Variants in ARAP2 observed in about 807,000 individuals in gnomAD.
The protein encoded by ARAP2 is ArfGAP with RhoGAP domain, ankyrin repeat and PH domain 2.
In ARAP2, 148 loss-of-function variants were observed where a neutral mutation model predicts 194.5. The ratio of observed to expected loss-of-function variants is 0.76; its 90% CI spans 0.67 to 0.87. The LOEUF (loss-of-function observed/expected upper bound fraction) is 0.87. ARAP2 is among the 40% of genes least tolerant of loss of function. The pLI, the probability that ARAP2 is intolerant of heterozygous loss-of-function variation, is 0.00. For missense variants in ARAP2, 2,128 were observed against 1,989.7 expected (o/e 1.07, Z -1.32); for synonymous variants, 695 against 683.5 (o/e 1.02, Z -0.26).
chr4:36,178,101 A>C, intron 8 of ARAP2, 96 bp from the exon 9 acceptor site: 1 of 1,073,398 alleles, frequency 9.3e-7, no homozygotes, highest in South Asian at 1.8e-5. Context: ...GCAACACATA[A>C]GTGACAGATT....
intron 4 of ARAP2, chr4:36,046,637 AGTT>A (rs1021391532): frequency 5.3e-5 from 8 of 152,276 alleles, no homozygotes; most frequent in African/African-American, 1.9e-4. Flanking sequence ...CATCCCCAAA[AGTT>A]GTATGTAAGA....
chr4:36,115,289 G>T (rs1721051564), intron 25 of ARAP2, among the ~76,000 whole-genome samples: 1 of 151,850 alleles, frequency 6.6e-6, no homozygotes, highest in Admixed American at 6.6e-5. Context: ...AAAGCCCAAA[G>T]AAATATAAAC....
intron 32 of ARAP2, among the ~76,000 whole-genome samples, chr4:36,070,656 T>C (rs1158017369): frequency 6.6e-6 from 1 of 152,182 alleles, no homozygotes; most frequent in Non-Finnish European, 1.5e-5. Flanking sequence ...AAGCCAATGG[T>C]TACAGAGGTC....
At chr4:36,058,643 C>G (rs1038704861) in intron 1 of ARAP2, among the ~76,000 whole-genome samples, 1 of 151,840 alleles carries the variant, frequency 6.6e-6, no homozygotes, top group South Asian at 2.1e-4. Context: ...AATCATTGTT[C>G]TTCTTCAAGC....
chr4:36,199,814 A>C lies in ARAP2; in HGVS notation c.1488-6167T>G, dbSNP rs532571745. On this transcript the variant is annotated intron_variant, in intron 6 of 32. Coordinates refer to ENST00000303965, the MANE Select transcript of ARAP2 (RefSeq NM_015230.4). ...TGTATTGTACACCTGAAATTTGCTAAGACAGTACATCTGAAGTGTTCTTAT... is the reference window on the plus strand; with the variant it reads ...TGTATTGTACACCTGAAATTTGCTACGACAGTACATCTGAAGTGTTCTTAT... 1.8e-3 allele frequency among the ~76,000 whole-genome samples: 269 copies of C among 152,362 alleles called. 4 individuals carry two copies. The highest frequency in any genetic ancestry group is 0.014 in the Middle Eastern group (4 of 294).
chr4:36,156,421 A>G (rs374076006), intron 15 of ARAP2, among the ~76,000 whole-genome samples: 294 of 5,438 alleles, frequency 0.054, 26 homozygotes, highest in African/African-American at 0.095. Context: ...GAAAGAAAGA[A>G]AGAAAGAAAG....
intron 6 of ARAP2, among the ~76,000 whole-genome samples, chr4:36,018,447 C>CA (rs34023851): frequency 0.027 from 3,613 of 136,132 alleles, 132 homozygotes; most frequent in African/African-American, 0.087. Context: ...CTCAATATCT[C>CA]AAAAAAAAAA....
intron 6 of ARAP2, among the ~76,000 whole-genome samples, chr4:36,197,176 G>A (rs1373252117): frequency 6.6e-6 from 1 of 151,778 alleles, no homozygotes; most frequent in Admixed American, 6.6e-5. Flanking sequence ...GTGATATTTT[G>A]ATATACGCAT....
chr4:36,170,720 GT>G (rs553825297), intron 9 of ARAP2, among the ~76,000 whole-genome samples: 113 of 152,176 alleles, frequency 7.4e-4, no homozygotes, highest in African/African-American at 2.2e-3. Context: ...ATGAACTCTC[GT>G]TTGATTTCCT....
At chr4:36,112,208 G>T (rs149003265) in intron 26 of ARAP2, among the ~76,000 whole-genome samples, 1 of 151,924 alleles carries the variant, frequency 6.6e-6, no homozygotes, top group African/African-American at 2.4e-5. Context: ...CACATCAACT[G>T]CACTATGAGA....
chr4:36,183,884 C>A (rs1473413527), intron 8 of ARAP2, among the ~76,000 whole-genome samples: 1 of 152,186 alleles, frequency 6.6e-6, no homozygotes, highest in East Asian at 1.9e-4. Flanking sequence ...AATAACAACA[C>A]TGGTCAGGGA....
intron 9 of ARAP2, among the ~76,000 whole-genome samples, chr4:36,175,173 A>G (rs1322924950): frequency 6.6e-6 from 1 of 152,222 alleles, no homozygotes; most frequent in African/African-American, 2.4e-5. Flanking sequence ...CATCACTTAC[A>G]TTTTTATGAT....
chr4:36,072,290 G>A (rs756142119), intron 32 of ARAP2, among the ~76,000 whole-genome samples: 15 of 152,052 alleles, frequency 9.9e-5, no homozygotes, highest in Non-Finnish European at 2.2e-4. Context: ...GAAAATGCAT[G>A]TAATTCTTTT....
intron 31 of ARAP2, among the ~76,000 whole-genome samples, chr4:36,074,629 C>T (rs540954374): frequency 5.7e-4 from 87 of 152,040 alleles, no homozygotes; most frequent in African/African-American, 2.0e-3. Context: ...CAATCTATGA[C>T]GTAAACACAG....
intron 5 of ARAP2, 59 bp downstream of exon 5, chr4:36,212,337 T>C: frequency 7.3e-7 from 1 of 1,360,972 alleles, no homozygotes; most frequent in East Asian, 2.3e-5. Context: ...GAATGAGAAG[T>C]CAACATTGTA....
intron 9 of ARAP2, among the ~76,000 whole-genome samples, chr4:36,007,619 A>G (rs2109300822): frequency 6.6e-6 from 1 of 152,298 alleles, no homozygotes; most frequent in South Asian, 2.1e-4. Context: ...TAAGCCATCA[A>G]ATTTGAAGAT....
Position 36,210,404 on chromosome 4 carries a change from T to A in ARAP2, c.1473A>T (p.Lys491Asn), listed in dbSNP as rs1746492884. The change falls in exon 6 of 33, where the codon AAA becomes AAT. Residue 491 changes from lysine (K) to asparagine (N), a missense_variant. Physicochemically the swap from Lys to Asn is moderately conservative, Grantham distance 94. Transcript: ENST00000303965. ...TACGTACATACCCTTGAGGAGAGAGTTTATCCAGCCATCCTGATTTAACCT... is the reference window on the plus strand; with the variant it reads ...TACGTACATACCCTTGAGGAGAGAGATTATCCAGCCATCCTGATTTAACCT... Reference protein sequence around the residue: ...AKKVKSGWLDKLSPQGKRMFQ... With the variant: ...AKKVKSGWLDNLSPQGKRMFQ... The A allele has an allele frequency of 1.2e-6, 2 of 1,610,082 alleles. No homozygotes were observed. Among genetic ancestry groups the A allele is most frequent in the African/African-American group, 2.7e-5 (2 of 74,634 alleles).
chr4:36,026,631 C>T (rs1245618854), intron 5 of ARAP2, among the ~76,000 whole-genome samples: 1 of 152,182 alleles, frequency 6.6e-6, no homozygotes, highest in Non-Finnish European at 1.5e-5. Context: ...ATTAACTCTG[C>T]CTCTAGGAGC....
intron 11 of ARAP2, among the ~76,000 whole-genome samples, chr4:36,163,394 C>G (rs1734540655): frequency 6.6e-6 from 1 of 151,976 alleles, no homozygotes; most frequent in Non-Finnish European, 1.5e-5. Flanking sequence ...AGTGACCACA[C>G]CGAAACTGAG....
Sources: allele counts gnomAD v4.1 joint callset (sites outside exome capture counted in the v4.1 genomes callset), GRCh38; gene constraint gnomAD v4.1.1; transcripts MANE v1.5; gene names NCBI Gene and HGNC (gene_info 2026-07-23, HGNC 2026-07-21).